The following GALNS variants were observed in gnomAD, a reference collection of about 807,000 sequenced individuals.
The protein encoded by GALNS is N-acetylgalactosamine-6-sulfatase.
A neutral mutation model predicts 65.9 loss-of-function variants in GALNS; 65 were observed. That is an observed-to-expected ratio of 0.99 (90% confidence interval 0.81 to 1.21). The LOEUF is 1.21. GALNS is among the 50% of genes most tolerant of loss of function. The probability of loss-of-function intolerance (pLI) is 0.00; values close to 1 mark genes in which losing one functional copy is unlikely to be tolerated. For synonymous variants in GALNS, 346 were observed against 288.9 expected, an observed-to-expected ratio of 1.20 and a Z score of -2.00; for missense variants, 776 against 700.7, an observed-to-expected ratio of 1.11 and a Z score of -1.21.
intron 12 of GALNS, among the ~76,000 whole-genome samples, chr16:88,819,120 G>C (rs975165443): frequency 1.3e-5 from 2 of 152,228 alleles, no homozygotes; most frequent in African/African-American, 4.8e-5. Context: ...TTTTGCTCCA[G>C]AACCTTCCCT....
intron 8 of GALNS, among the ~76,000 whole-genome samples, chr16:88,833,702 A>G (rs1174433900): frequency 2.0e-5 from 3 of 152,084 alleles, no homozygotes; most frequent in South Asian, 2.1e-4. Flanking sequence ...CACCCGCCTC[A>G]GCCTCCCAAA....
At position 88,842,791 on chromosome 16, in the gene GALNS, G is replaced by A. The variant is rs1381509897; in HGVS notation, c.159C>T (p.Ser53=). The stretch of plus-strand genomic sequence containing the variant: ...TCCGGTCCAAATTCGGGGTCTCTCT[G>A]GAGGGCTCTCCATACACCCCGAGGT... The part of the protein sequence containing the change: ...WGDLGVYGEP[S]RETPNLDRMA... The change falls in exon 2 of 14, where the codon TCC becomes TCT. Residue 53 remains serine (S), a synonymous_variant. Coordinates refer to ENST00000268695, the MANE Select transcript of GALNS (RefSeq NM_000512.5). 6.2e-7 allele frequency: 1 copy of A among 1,613,396 alleles called. No individual in the cohort carries two copies. Among genetic ancestry groups the A allele is most frequent in the South Asian group, 1.1e-5 (1 of 90,974 alleles).
At position 88,841,955 on chromosome 16, in the gene GALNS, G is replaced by A. The variant is rs957056188; in HGVS notation, c.261C>T (p.Leu87=). The A allele has an allele frequency of 4.3e-6, 7 of 1,613,158 alleles. No homozygotes were observed. The Admixed American group carries it at 5.0e-5, about 12-fold the overall frequency. The part of the protein sequence containing the change: ...PLCSPSRAAL[L]TGRLPIRNGF... ...CATTGCGGATGGGTAGCCGTCCTGT[G>A]AGCAGTGCCGCCCTCGCTATGTGGA... is the stretch of plus-strand genomic sequence containing the variant. The change falls in exon 3 of 14, where the codon CTC becomes CTT. Residue 87 remains leucine, a synonymous_variant. Transcript: ENST00000268695.
chr16:88,818,031 G>T lies in GALNS; in HGVS notation c.1458C>A (p.Leu486=). ...QEALVPAQPQ[L]NVCNWAVMNW... ...CCATGACCGCCCAGTTGCACACGTT[G>T]AGCTGGGGCTGCGCGGGGACCAAGG... Residue 486 remains leucine, a synonymous_variant, in exon 13 of 14, where the codon CTC becomes CTA. Transcript: ENST00000268695. 6.3e-7 allele frequency: 1 copy of T among 1,583,408 alleles called. No homozygotes were observed.
At chr16:88,828,421 C>T (rs1036293552) in intron 9 of GALNS, among the ~76,000 whole-genome samples, 2 of 152,210 alleles carry the variant, frequency 1.3e-5, no homozygotes, top group African/African-American at 4.8e-5. Context: ...AAACCGTTAT[C>T]AGCGCTTTCG....
At chr16:88,820,565 T>C (rs1421646267) in intron 12 of GALNS, among the ~76,000 whole-genome samples, 2 of 152,256 alleles carry the variant, frequency 1.3e-5, no homozygotes, top group Non-Finnish European at 2.9e-5. Context: ...GGCCGACAGC[T>C]GGGCCTCCTT....
At position 88,856,831 on chromosome 16, in the gene GALNS, A is replaced by C. The variant is rs794729202; in HGVS notation, c.47T>G (p.Val16Gly). The part of the protein sequence containing the change: ...AATRWWQLLL[V>G]LSAAGMGASG... ...GGCCCCCATCCCCGCGGCGCTGAGC[A>C]CCAGCAACAGCTGCCACCACCTCGT... Residue 16 changes from valine to glycine, a missense_variant, in exon 1 of 14, where the codon GTG becomes GGG. Val to Gly is a moderately radical substitution (Grantham distance 109). Transcript: ENST00000268695. 27 of 1,523,268 alleles carry C rather than the reference A, an allele frequency of 1.8e-5. No individual in the cohort carries two copies. The highest frequency in any genetic ancestry group is 2.2e-5 in the Non-Finnish European group (25 of 1,145,062). 94.4% of individuals were successfully genotyped at this position (1,523,268 alleles called of 1,614,324 possible).
At position 88,856,910 on chromosome 16, in the gene GALNS, C is replaced by A; in HGVS notation, c.-33G>T. The A allele has an allele frequency of 6.7e-7, 1 of 1,496,108 alleles. No individual in the cohort carries two copies. The highest frequency in any genetic ancestry group is 8.8e-7 in the Non-Finnish European group (1 of 1,131,108). The allele number at this position is 1,496,108 out of a possible 1,614,324, so 92.7% of individuals were successfully genotyped here. A position where few individuals can be genotyped will look rare whatever the true frequency, so the allele number is the denominator to read the frequency against. On this transcript the variant is annotated 5_prime_UTR_variant, in exon 1 of 14. Transcript: ENST00000268695. The stretch of plus-strand genomic sequence containing the variant: ...ACGGGAGCCGCGGAGCCCCGGCCAG[C>A]GAGCCGACCTAGCGAGCGTCCGCCG...
intron 4 of GALNS, chr16:88,838,906 C>T (rs531889118): frequency 2.0e-5 from 3 of 152,544 alleles, no homozygotes; most frequent in African/African-American, 7.2e-5. Context: ...GCCTCTGTAC[C>T]CTGGACCTCC....
At position 88,824,954 on chromosome 16, in the gene GALNS, G is replaced by A. The variant is rs73251099; in HGVS notation, c.1140-85C>T. ...AGGCTCTGGGCTGCGTCTGTCATCA[G>A]TGGCTCATGCCTCCACGTGAGGTCT... On this transcript the variant is annotated intron_variant, in intron 10 of 13. Coordinates refer to ENST00000268695, the MANE Select transcript of GALNS (RefSeq NM_000512.5). 9,264 of 1,046,114 alleles carry A rather than the reference G, an allele frequency of 8.9e-3. 525 individuals carry two copies. The African/African-American group carries it at 0.13, about 14-fold the overall frequency. 64.8% of individuals were successfully genotyped at this position (1,046,114 alleles called of 1,614,324 possible).
intron 11 of GALNS, among the ~76,000 whole-genome samples, chr16:88,824,426 TGTCGCCTCCA>T (rs1314856135): frequency 6.6e-6 from 1 of 152,098 alleles, no homozygotes; most frequent in African/African-American, 2.4e-5. Flanking sequence ...GCCACGTCTC[TGTCGCCTCCA>T]GCCTGGGGTG....
intron 13 of GALNS, chr16:88,815,086 T>G: frequency 1.0e-6 from 1 of 985,458 alleles, no homozygotes; most frequent in Non-Finnish European, 1.2e-6. Context: ...CCCAACCAAT[T>G]GGCCTCAGTG....
At chr16:88,818,283 C>T (rs917288602) in intron 12 of GALNS, among the ~76,000 whole-genome samples, 159 bp from the exon 13 acceptor site, 1 of 152,174 alleles carries the variant, frequency 6.6e-6, no homozygotes, top group African/African-American at 2.4e-5. Flanking sequence ...CCCCGGGCCT[C>T]GCTAGGACAG....
rs1910635964 is a variant in GALNS, at chr16:88,824,817, G to A, written c.1192C>T (p.His398Tyr). The A allele has an allele frequency of 6.2e-7, 1 of 1,613,438 alleles. No homozygotes were observed. Among genetic ancestry groups the A allele is most frequent in the East Asian group, 2.2e-5 (1 of 44,880 alleles). The change falls in exon 11 of 14, where the codon CAC becomes TAC. Residue 398 changes from histidine to tyrosine, a missense_variant. Transcript: ENST00000268695. The stretch of plus-strand genomic sequence containing the variant: ...GTCCAGGTCCAGAAGTGAGCCTTGT[G>A]CTGCCCGAGGGTGGCCGCCATCAGC... The part of the protein sequence containing the change: ...DTLMAATLGQ[H>Y]KAHFWTWTNS...
At chr16:88,843,565 A>T (rs1428917939) in intron 1 of GALNS, 2 of 232,444 alleles carry the variant, frequency 8.6e-6, no homozygotes, top group Non-Finnish European at 1.8e-5. Context: ...CAATCCTATG[A>T]CTGGGCCCTT....
chr16:88,848,642 C>T (rs1034040523), intron 1 of GALNS, among the ~76,000 whole-genome samples: 2 of 151,658 alleles, frequency 1.3e-5, no homozygotes, highest in African/African-American at 4.9e-5. Context: ...CCTGACACTG[C>T]TGGGTCGGGG....
chr16:88,817,970 C>T lies in GALNS; in HGVS notation c.1482+37G>A, dbSNP rs77513483. 3,184 of 1,518,644 alleles carry T rather than the reference C, an allele frequency of 2.1e-3. 41 individuals carry two copies. In the African/African-American group the frequency reaches 0.036, roughly 17 times the overall value. 94.1% of individuals were successfully genotyped at this position (1,518,644 alleles called of 1,614,324 possible). On this transcript the variant is annotated intron_variant, in intron 13 of 13. Transcript: ENST00000268695. ...GGCCCCGGGTGGGTGGCTGCAGCCCCGGCAAAGAGACGGCCGCCCACACAC... is the reference window on the plus strand; with the variant it reads ...GGCCCCGGGTGGGTGGCTGCAGCCCTGGCAAAGAGACGGCCGCCCACACAC...
In GALNS at chr16:88,826,841, G is replaced by A; in HGVS notation, c.1003-3C>T. The stretch of plus-strand genomic sequence containing the variant: ...ATGCTGCCCAGCTGGTGGCTCACCT[G>A]AAACACATGGCAGCAACACGGTCAG... On this transcript the variant is annotated splice_polypyrimidine_tract_variant and splice_region_variant and intron_variant, in intron 9 of 13. Coordinates refer to ENST00000268695, the MANE Select transcript of GALNS (RefSeq NM_000512.5). 2 of 1,573,326 alleles carry A rather than the reference G, an allele frequency of 1.3e-6. No individual in the cohort carries two copies. The highest frequency in any genetic ancestry group is 2.4e-5 in the East Asian group (1 of 42,372).
rs1157772769 is a variant in GALNS, at chr16:88,835,803, A to T, written c.680T>A (p.Phe227Tyr). The change falls in exon 7 of 14, where the codon TTC (phenylalanine) becomes TAC (tyrosine). Residue 227 changes from phenylalanine (F) to tyrosine (Y), a missense_variant. Phe to Tyr is a conservative substitution (Grantham distance 22). Coordinates refer to ENST00000268695, the MANE Select transcript of GALNS (RefSeq NM_000512.5). ...CGTGGCGTCGACAGCCCAGTAGAGGAAAAAGGGGTGGTGCCGTGCCTGTCT... is the reference window on the plus strand; with the variant it reads ...CGTGGCGTCGACAGCCCAGTAGAGGTAAAAGGGGTGGTGCCGTGCCTGTCT... Reference protein sequence around the residue: ...IKRQARHHPFFLYWAVDATHA... With the variant: ...IKRQARHHPFYLYWAVDATHA... 6.2e-6 allele frequency: 10 copies of T among 1,613,614 alleles called. No individual in the cohort carries two copies. In the African/African-American group the frequency reaches 9.3e-5, roughly 15 times the overall value.
Sources: allele counts gnomAD v4.1 joint callset (sites outside exome capture counted in the v4.1 genomes callset), GRCh38; gene constraint gnomAD v4.1.1; transcripts MANE v1.5; gene names NCBI Gene and HGNC (gene_info 2026-07-23, HGNC 2026-07-21).